METTL21C: variants seen among roughly 807,000 people sequenced by gnomAD.
METTL21C encodes the protein methyltransferase 21C, AARS1 lysine, also known as protein-lysine methyltransferase METTL21C.
METTL21C carries 21 observed loss-of-function variants against 25.9 expected under a neutral mutation model. The ratio of observed to expected loss-of-function variants is 0.81; its 90% confidence interval spans 0.58 to 1.17. The LOEUF (loss-of-function observed/expected upper bound fraction) is 1.17. Among genes scored for constraint, METTL21C ranks in the 50% most tolerant of loss-of-function variants. The pLI is 0.00. For missense variants in METTL21C, 312 were observed against 315.1 expected (o/e 0.99, Z 0.07); for synonymous variants, 125 against 124.7 (o/e 1.00, Z -0.01).
At chr13:102,693,180 A>G (rs2138888310) in intron 1 of METTL21C, among the ~76,000 whole-genome samples, 1 of 152,266 alleles carries the variant, frequency 6.6e-6, no homozygotes, top group South Asian at 2.1e-4. Flanking sequence ...TAACCTCGAG[A>G]GCATAGATAT....
intron 2 of METTL21C, 112 bp from the exon 3 acceptor site, chr13:102,687,169 G>A: frequency 1.3e-6 from 1 of 764,494 alleles, no homozygotes; most frequent in Non-Finnish European, 2.2e-6. Context: ...CATATGTTCA[G>A]TTTATATTCA....
the METTL21C span, among the ~76,000 whole-genome samples, chr13:102,703,003 G>T: frequency 6.6e-6 from 1 of 152,126 alleles, no homozygotes; most frequent in Non-Finnish European, 1.5e-5. Flanking sequence ...AAAATATATT[G>T]AAAGATGTTA....
At chr13:102,695,994 G>A (rs184771700), upstream of METTL21C, among the ~76,000 whole-genome samples, 72 of 152,108 alleles carry the variant, frequency 4.7e-4, no homozygotes, top group Admixed American at 2.9e-3. Flanking sequence ...TTAAAATGAA[G>A]CAAAGGACGA....
At chr13:102,697,763 G>A (rs902138908), upstream of METTL21C, among the ~76,000 whole-genome samples, 11 of 152,164 alleles carry the variant, frequency 7.2e-5, no homozygotes, top group Admixed American at 2.0e-4. Context: ...TATTTGGGGA[G>A]TGTGAATAAC....
chr13:102,697,103 T>C (rs1207288510), upstream of METTL21C, among the ~76,000 whole-genome samples: 1 of 152,098 alleles, frequency 6.6e-6, no homozygotes, highest in Non-Finnish European at 1.5e-5. Flanking sequence ...AATGGAACAA[T>C]TGATCCCAAG....
chr13:102,686,547 G>T, intron 3 of METTL21C, 122 bp from the exon 4 acceptor site: 2 of 1,162,724 alleles, frequency 1.7e-6, no homozygotes, highest in Non-Finnish European at 2.4e-6. Flanking sequence ...GGGTGGGCTG[G>T]ACATGTTTGA....
intron 1 of METTL21C, 58 bp from the exon 2 acceptor site, chr13:102,691,022 A>T: frequency 7.0e-6 from 11 of 1,573,810 alleles, no homozygotes; most frequent in Non-Finnish European, 9.6e-6. Flanking sequence ...GTGCAAAGAC[A>T]CACTTGGTAT....
At chr13:102,691,548 C>T (rs1885831826) in intron 1 of METTL21C, among the ~76,000 whole-genome samples, 1 of 151,930 alleles carries the variant, frequency 6.6e-6, no homozygotes, top group African/African-American at 2.4e-5. Flanking sequence ...CGGGGTTTCA[C>T]CATGTTGGTC....
chr13:102,702,023 G>A, the METTL21C span, among the ~76,000 whole-genome samples: 1 of 152,032 alleles, frequency 6.6e-6, no homozygotes, highest in Non-Finnish European at 1.5e-5. Context: ...AATTAGTCTG[G>A]TGTGGTGGCG....
intron 2 of METTL21C, among the ~76,000 whole-genome samples, chr13:102,689,736 C>T (rs921751810): frequency 2.6e-5 from 4 of 152,224 alleles, no homozygotes; most frequent in Non-Finnish European, 4.4e-5. Context: ...CAGTCGGGAG[C>T]TTTACCACGC....
the METTL21C span, among the ~76,000 whole-genome samples, chr13:102,702,234 G>GAA: frequency 8.1e-5 from 10 of 122,818 alleles, no homozygotes; most frequent in African/African-American, 6.1e-4. Flanking sequence ...GAGACAGAAA[G>GAA]AGAGAGAGAG....
chr13:102,696,976 G>C (rs1359368019), upstream of METTL21C, among the ~76,000 whole-genome samples: 1 of 152,210 alleles, frequency 6.6e-6, no homozygotes, highest in East Asian at 1.9e-4. Context: ...AATAGTTGAA[G>C]TGCAGCCGGT....
chr13:102,694,204 G>C (rs998266867), intron 1 of METTL21C, among the ~76,000 whole-genome samples, 165 bp downstream of exon 1: 3 of 151,974 alleles, frequency 2.0e-5, no homozygotes, highest in African/African-American at 4.8e-5. Context: ...GAAAAAACAG[G>C]AATTATGTTT....
chr13:102,696,349 C>T (rs1407857631), upstream of METTL21C, among the ~76,000 whole-genome samples: 2 of 151,484 alleles, frequency 1.3e-5, no homozygotes, highest in African/African-American at 4.9e-5. Context: ...GAACATCACA[C>T]ACCTGGGCCT....
chr13:102,700,914 C>G, the METTL21C span, among the ~76,000 whole-genome samples: 1 of 151,826 alleles, frequency 6.6e-6, no homozygotes, highest in South Asian at 2.1e-4. Context: ...TCCATAGCGC[C>G]GTCCGCTGCT....
In METTL21C at chr13:102,690,870, T is replaced by C. The variant is rs1885812234; in HGVS notation, c.225A>G (p.Gly75=). 6.2e-7 allele frequency: 1 copy of C among 1,614,068 alleles called. No individual in the cohort carries two copies. Among genetic ancestry groups the C allele is most frequent in the Non-Finnish European group, 8.5e-7 (1 of 1,180,036 alleles). The change falls in exon 2 of 4, where the codon GGA becomes GGG. Residue 75 remains glycine, a synonymous_variant. Coordinates refer to ENST00000267273, the MANE Select transcript of METTL21C (RefSeq NM_001010977.3). ...TGGATTCCTGGATGACAATCTCCTT[T>C]CCTGCAAACCGATAATGCTCCTGAG... ...SYTQEHYRFA[G]KEIVIQESIE... is the part of the protein sequence containing the mutation.
intron 1 of METTL21C, among the ~76,000 whole-genome samples, chr13:102,691,955 G>A (rs1320807910): frequency 6.6e-6 from 1 of 152,196 alleles, no homozygotes; most frequent in East Asian, 1.9e-4. Flanking sequence ...AGGAATAAAA[G>A]AGCAGTGAGT....
chr13:102,698,939 C>T (rs1263108275), upstream of METTL21C, among the ~76,000 whole-genome samples: 2 of 152,122 alleles, frequency 1.3e-5, no homozygotes, highest in South Asian at 2.1e-4. Context: ...TAAACATTGC[C>T]ATTGAAGGTC....
In METTL21C at chr13:102,685,759, T is replaced by C. The variant is rs1885648591; in HGVS notation, c.*272A>G. 2.9e-6 allele frequency: 1 copy of C among 344,516 alleles called. No individual in the cohort carries two copies. Among genetic ancestry groups the C allele is most frequent in the Non-Finnish European group, 5.3e-6 (1 of 189,808 alleles). 21.3% of individuals were successfully genotyped at this position (344,516 alleles called of 1,614,324 possible). On this transcript the variant is annotated 3_prime_UTR_variant, in exon 4 of 4. Transcript: ENST00000267273. The stretch of plus-strand genomic sequence containing the variant: ...AGAAATTCACTTATTACTTTATCCA[T>C]GTAAGATTTATTAAACATGTAACTT...
Sources: gnomAD v4.1 joint callset for allele counts (sites outside exome capture counted in the v4.1 genomes callset) on GRCh38, gnomAD v4.1.1 for gene constraint, MANE v1.5 for transcripts, NCBI Gene and HGNC (gene_info 2026-07-23, HGNC 2026-07-21) for gene names.